The following NRAP variants were observed in gnomAD, a reference collection of about 807,000 sequenced individuals.
NRAP encodes nebulin-related-anchoring protein.
A neutral mutation model predicts 225.9 loss-of-function variants in NRAP; 189 were observed. That is an observed-to-expected ratio of 0.84 (90% CI 0.74 to 0.94). The LOEUF is 0.94. NRAP is among the 40% of genes least tolerant of loss of function. The pLI, the probability that NRAP is intolerant of heterozygous loss-of-function variation, is 0.00. For missense variants in NRAP, 2,176 were observed against 2,168.7 expected (o/e 1.00, Z -0.07); for synonymous variants, 769 against 790.7 (o/e 0.97, Z 0.46).
chr10:113,616,267 C>T (rs1847656867), intron 26 of NRAP, among the ~76,000 whole-genome samples: 1 of 152,180 alleles, frequency 6.6e-6, no homozygotes, highest in Admixed American at 6.5e-5. Context: ...TAAGACATGT[C>T]TCCTGGGTGG....
chr10:113,628,756 G>A (rs1848417191), intron 20 of NRAP, among the ~76,000 whole-genome samples, 161 bp downstream of exon 20: 1 of 152,212 alleles, frequency 6.6e-6, no homozygotes, highest in Non-Finnish European at 1.5e-5. Context: ...GGTGTGGAAA[G>A]TTAGCTGAGA....
In NRAP at chr10:113,663,335, G is replaced by A. The variant is rs12770981; in HGVS notation, c.167+17C>T. The A allele has an allele frequency of 2.8e-6, 4 of 1,439,348 alleles. No homozygotes were observed. Among genetic ancestry groups the A allele is most frequent in the African/African-American group, 2.8e-5 (2 of 71,478 alleles). 89.2% of individuals were successfully genotyped at this position (1,439,348 alleles called of 1,614,324 possible). A position where few individuals can be genotyped will look rare whatever the true frequency, so the allele number is the denominator to read the frequency against. ...AATAAAACTCAAGAGGTAGTGGTGG[G>A]GGCATCAAACACTTACGCGTGACAG... On this transcript the variant is annotated intron_variant, in intron 2 of 41. Coordinates refer to ENST00000359988, the MANE Select transcript of NRAP (RefSeq NM_198060.4).
chr10:113,663,760 C>A (rs1850844644), intron 1 of NRAP, 51 bp downstream of exon 1: 1 of 1,302,638 alleles, frequency 7.7e-7, no homozygotes, highest in South Asian at 1.2e-5. Flanking sequence ...GTGAGAAGGT[C>A]AATTTCCTGT....
intron 21 of NRAP, 113 bp downstream of exon 21, chr10:113,625,934 G>A (rs913067358): frequency 1.5e-6 from 1 of 655,702 alleles, no homozygotes; most frequent in Non-Finnish European, 2.5e-6. Flanking sequence ...CTATTTAGAG[G>A]GAAGGCTCTT....
At chr10:113,623,504 T>C (rs1179836090) in intron 23 of NRAP, 25 bp downstream of exon 23, 1 of 1,515,854 alleles carries the variant, frequency 6.6e-7, no homozygotes, top group Non-Finnish European at 9.2e-7. Flanking sequence ...CTGCGGTCTC[T>C]TGTACAAGGT....
Position 113,590,842 on chromosome 10 carries a change from C to G in NRAP, c.4692G>C (p.Gly1564=). Residue 1564 remains glycine, a synonymous_variant, in exon 40 of 42, where the codon GGG becomes GGC. Transcript: ENST00000359988. ...TTGGGTCATCGTCGACACTGCGGTACCCGATCTGCAGGCCTCGGTCCCGCA... is the reference window on the plus strand; with the variant it reads ...TTGGGTCATCGTCGACACTGCGGTAGCCGATCTGCAGGCCTCGGTCCCGCA... ...AFLRDRGLQI[G]YRSVDDDPRM... 6.2e-7 allele frequency: 1 copy of G among 1,614,180 alleles called. No homozygotes were observed. The highest frequency in any genetic ancestry group is 8.5e-7 in the Non-Finnish European group (1 of 1,180,018).
chr10:113,631,769 T>A (rs1592811847), intron 17 of NRAP, 88 bp downstream of exon 17: 1 of 936,830 alleles, frequency 1.1e-6, no homozygotes, highest in East Asian at 2.4e-5. Context: ...TTTACAATGT[T>A]AAGAGTCATT....
At chr10:113,634,356 C>T (rs1034617060) in intron 14 of NRAP, 146 bp from the exon 15 acceptor site, 4 of 623,944 alleles carry the variant, frequency 6.4e-6, no homozygotes, top group Non-Finnish European at 1.2e-5. Flanking sequence ...CTGACAGACA[C>T]TCCAAGCCCA....
Position 113,628,912 on chromosome 10 carries a change from G to T in NRAP, c.2145+5C>A. ...CTGGAGGCCAGAGGCCCCAGTGCAG[G>T]TTACCTCGCTGACCAGCTGTCCAGC... is the stretch of plus-strand genomic sequence containing the variant. On this transcript the variant is annotated splice_donor_5th_base_variant and intron_variant, in intron 20 of 41. Coordinates refer to ENST00000359988, the MANE Select transcript of NRAP (RefSeq NM_198060.4). The T allele has an allele frequency of 6.3e-7, 1 of 1,584,612 alleles. No homozygotes were observed. The highest frequency in any genetic ancestry group is 8.6e-7 in the Non-Finnish European group (1 of 1,161,058).
At chr10:113,610,662 G>A (rs552789465) in intron 30 of NRAP, 99 bp from the exon 31 acceptor site, 33 of 702,622 alleles carry the variant, frequency 4.7e-5, no homozygotes, top group Admixed American at 2.6e-4. Context: ...ATCTGACAGC[G>A]TCATAATTAG....
intron 21 of NRAP, among the ~76,000 whole-genome samples, chr10:113,625,644 G>A (rs144686877): frequency 2.0e-5 from 3 of 152,216 alleles, no homozygotes; most frequent in Non-Finnish European, 4.4e-5. Context: ...CTTTGTTCTG[G>A]CCCCATAAAT....
Position 113,612,251 on chromosome 10 carries a change from GAGCTTTCTTGGCACAGCTC to G in NRAP, c.3462_3480del (p.Ser1155ThrfsTer13). The G allele has an allele frequency of 6.2e-7, 1 of 1,614,110 alleles. No individual in the cohort carries two copies. Among genetic ancestry groups the G allele is most frequent in the Non-Finnish European group, 8.5e-7 (1 of 1,179,998 alleles). On this transcript the variant is annotated frameshift_variant, in exon 30 of 42. Transcript: ENST00000359988. LOFTEE classifies it high-confidence loss of function. ...CTCCTTACCTCACTCTGCAATTTGT[GAGCTTTCTTGGCACAGCTC>G]AGCCTCAGGTCTTCTGCCAAGGAAG...
intron 14 of NRAP, among the ~76,000 whole-genome samples, chr10:113,639,874 T>C (rs945419442): frequency 6.6e-6 from 1 of 152,184 alleles, no homozygotes; most frequent in African/African-American, 2.4e-5. Context: ...ACATACTACA[T>C]AACAAACCTT....
chr10:113,652,311 T>G (rs1850026107), intron 6 of NRAP, among the ~76,000 whole-genome samples: 1 of 152,144 alleles, frequency 6.6e-6, no homozygotes, highest in Non-Finnish European at 1.5e-5. Flanking sequence ...CAAATAAACT[T>G]TGCTACTCTT....
At position 113,608,408 on chromosome 10, in the gene NRAP, T is replaced by G. The variant is rs763068222; in HGVS notation, c.3702+6A>C. 6.3e-7 allele frequency: 1 copy of G among 1,581,408 alleles called. No individual in the cohort carries two copies. Among genetic ancestry groups the G allele is most frequent in the South Asian group, 1.1e-5 (1 of 89,924 alleles). ...AGACCATTCCAAAGCCATCAGGAGA[T>G]TTTACCTCATTCGTTATCTGGTTGC... On this transcript the variant is annotated splice_donor_region_variant and intron_variant, in intron 32 of 41. Coordinates refer to ENST00000359988, the MANE Select transcript of NRAP (RefSeq NM_198060.4).
At chr10:113,654,216 A>T (rs1850163379) in intron 4 of NRAP, 91 bp from the exon 5 acceptor site, 1 of 757,420 alleles carries the variant, frequency 1.3e-6, no homozygotes, top group Non-Finnish European at 2.4e-6. Flanking sequence ...ATTCTTAAAC[A>T]TTATAAACTC....
At chr10:113,627,033 T>C (rs1848326018) in intron 20 of NRAP, among the ~76,000 whole-genome samples, 1 of 152,184 alleles carries the variant, frequency 6.6e-6, no homozygotes, top group Non-Finnish European at 1.5e-5. Flanking sequence ...GCTCACAGCC[T>C]GGTTCTGGCA....
At position 113,652,976 on chromosome 10, in the gene NRAP, C is replaced by G. The variant is rs1254660268; in HGVS notation, c.529G>C (p.Ala177Pro). 1.2e-6 allele frequency: 2 copies of G among 1,613,230 alleles called. No homozygotes were observed. Among genetic ancestry groups the G allele is most frequent in the East Asian group, 4.5e-5 (2 of 44,806 alleles). Residue 177 changes from alanine (A) to proline (P), a missense_variant, in exon 6 of 42, where the codon GCT becomes CCT. Physicochemically the swap from Ala to Pro is conservative, Grantham distance 27. This residue lies in a region of NRAP where 1,708 missense variants were observed against 1,695.5 expected (regional missense o/e 1.01). Transcript: ENST00000359988. Reference protein sequence around the residue: ...KGSFPAMITPAYQRAKKANQL... With the variant: ...KGSFPAMITPPYQRAKKANQL... ...TTGGCTTTCTTGGCCCTTTGATAAG[C>G]AGGTGTGATCATGGCTGGAAAGCTC...
chr10:113,592,893 C>T (rs961325609), intron 38 of NRAP, among the ~76,000 whole-genome samples: 1 of 152,326 alleles, frequency 6.6e-6, no homozygotes, highest in Middle Eastern at 3.4e-3. Context: ...TGACCGAGTA[C>T]CTGACCCATG....
Sources: allele counts gnomAD v4.1 joint callset (sites outside exome capture counted in the v4.1 genomes callset), GRCh38; gene constraint gnomAD v4.1.1; regional missense constraint gnomAD v4.1.1; transcripts MANE v1.5; gene names NCBI Gene and HGNC (gene_info 2026-07-23, HGNC 2026-07-21).